Variants in GORAB observed in about 807,000 individuals in gnomAD.
GORAB encodes golgin, RAB6 interacting.
Under a neutral mutation model 29.9 loss-of-function variants are expected in GORAB, and 17 were observed. The ratio of observed to expected loss-of-function variants is 0.57; its 90% CI spans 0.39 to 0.85. GORAB has a LOEUF of 0.85. Ranked by LOEUF, GORAB falls within the 40% of genes least tolerant of loss-of-function variation. The pLI is 0.00. For synonymous variants in GORAB, 183 were observed against 157.2 expected (o/e 1.16, Z -1.23); for missense variants, 442 against 437.8 (o/e 1.01, Z -0.09).
At chr1:170,550,377 G>T (rs970736975) in intron 4 of GORAB, among the ~76,000 whole-genome samples, 5 of 152,220 alleles carry the variant, frequency 3.3e-5, no homozygotes, top group Admixed American at 6.5e-5. Flanking sequence ...GGCCATATTG[G>T]CCTGTGAGTA....
chr1:170,532,401 G>T lies in GORAB; in HGVS notation c.61+117G>T, dbSNP rs778226139. The stretch of plus-strand genomic sequence containing the variant: ...GGCTACGTTTGTGTTAGCGGAAGGC[G>T]CTGTAAGTACGTGGACTGGATTAGG... On this transcript the variant is annotated intron_variant, in intron 1 of 4. Coordinates refer to ENST00000367763, the MANE Select transcript of GORAB (RefSeq NM_152281.3). 28 of 1,134,188 alleles carry T rather than the reference G, an allele frequency of 2.5e-5. No individual in the cohort carries two copies. The Middle Eastern group carries it at 9.5e-4, about 38-fold the overall frequency. The allele number at this position is 1,134,188 out of a possible 1,614,324, so 70.3% of individuals were successfully genotyped here.
At chr1:170,547,902 TACTG>T (rs1446124483) in intron 4 of GORAB, among the ~76,000 whole-genome samples, 2 of 152,246 alleles carry the variant, frequency 1.3e-5, no homozygotes, top group Non-Finnish European at 2.9e-5. Flanking sequence ...ATATATTTTT[TACTG>T]ACTGATTCTT....
intron 2 of GORAB, among the ~76,000 whole-genome samples, chr1:170,541,394 G>A (rs1649417683): frequency 6.6e-6 from 1 of 151,976 alleles, no homozygotes; most frequent in South Asian, 2.1e-4. Flanking sequence ...CAAAATAAAG[G>A]TTAGAGAAAT....
chr1:170,539,322 C>G lies in GORAB; in HGVS notation c.174C>G (p.Thr58=). ...AACTTGGGCTTCAAGATGGATCAAC[C>G]TCATTACTTCCAGAGCAGCTGCTTT... ...SQKLGLQDGS[T]SLLPEQLLSA... Residue 58 remains threonine (T), a synonymous_variant, in exon 2 of 5, where the codon ACC becomes ACG. Coordinates refer to ENST00000367763, the MANE Select transcript of GORAB (RefSeq NM_152281.3). The G allele has an allele frequency of 6.2e-7, 1 of 1,614,162 alleles. No individual in the cohort carries two copies. Among genetic ancestry groups the G allele is most frequent in the Non-Finnish European group, 8.5e-7 (1 of 1,180,020 alleles).
At chr1:170,536,466 A>T (rs546526961) in intron 1 of GORAB, 1 of 152,312 alleles carries the variant, frequency 6.6e-6, no homozygotes, top group Admixed American at 6.5e-5. Flanking sequence ...AAAACATCTG[A>T]CAGTATCGTG....
Position 170,539,405 on chromosome 1 carries a change from C to T in GORAB, c.257C>T (p.Pro86Leu), listed in dbSNP as rs374614330. 2.5e-5 allele frequency: 40 copies of T among 1,613,978 alleles called. No homozygotes were observed. In the African/African-American group the frequency reaches 4.1e-4, roughly 17 times the overall value. ...CCACCTTTTTCTTCCCCTACTCTTC[C>T]GAGTCATTTCACTCTCACCTCCCCC... is the stretch of plus-strand genomic sequence containing the variant. ...QKPPFSSPTL[P>L]SHFTLTSPVG... Residue 86 changes from proline (P) to leucine (L), a missense_variant, in exon 2 of 5, where the codon CCG (proline) becomes CTG (leucine). Physicochemically the swap from Pro to Leu is moderately conservative, Grantham distance 98. Coordinates refer to ENST00000367763, the MANE Select transcript of GORAB (RefSeq NM_152281.3).
chr1:170,534,484 C>T (rs571671783), intron 1 of GORAB, among the ~76,000 whole-genome samples: 3 of 152,268 alleles, frequency 2.0e-5, no homozygotes, highest in Admixed American at 6.5e-5. Flanking sequence ...CAATTATCCT[C>T]ATATACCAAG....
At chr1:170,551,687 G>A (rs1650116376) in intron 4 of GORAB, among the ~76,000 whole-genome samples, 1 of 152,094 alleles carries the variant, frequency 6.6e-6, no homozygotes, top group Admixed American at 6.6e-5. Flanking sequence ...CTACAAATCA[G>A]GGCTCCCCAT....
chr1:170,548,477 T>C (rs1649893841), intron 4 of GORAB, among the ~76,000 whole-genome samples: 1 of 152,256 alleles, frequency 6.6e-6, no homozygotes, highest in Non-Finnish European at 1.5e-5. Flanking sequence ...TTTTTTAGCC[T>C]ACCACACCAT....
intron 4 of GORAB, chr1:170,545,604 GTCT>G: frequency 1.0e-6 from 1 of 985,284 alleles, no homozygotes; most frequent in Non-Finnish European, 1.2e-6. Context: ...ATCCTGGTTT[GTCT>G]TTTTTCACAA....
chr1:170,538,980 G>A, intron 1 of GORAB: 1 of 561,048 alleles, frequency 1.8e-6, no homozygotes, highest in East Asian at 3.0e-5. Context: ...TTTCTCTGAA[G>A]ATAAATTAAG....
intron 3 of GORAB, among the ~76,000 whole-genome samples, chr1:170,543,624 T>A (rs1380069670): frequency 2.1e-5 from 3 of 142,104 alleles, no homozygotes; most frequent in Non-Finnish European, 4.6e-5. Context: ...AAAAGAGTAG[T>A]GCCCTCTTTT....
chr1:170,536,590 A>G (rs1179460217), intron 1 of GORAB, among the ~76,000 whole-genome samples: 1 of 152,182 alleles, frequency 6.6e-6, no homozygotes. Flanking sequence ...TAGTTCTTAG[A>G]TAATATCCAA....
chr1:170,548,778 T>C (rs1384837125), intron 4 of GORAB, among the ~76,000 whole-genome samples: 1 of 152,216 alleles, frequency 6.6e-6, no homozygotes, highest in Admixed American at 6.5e-5. Context: ...CCTAGGATGA[T>C]GAAATGGCAA....
chr1:170,538,023 T>C (rs1466070471), intron 1 of GORAB, among the ~76,000 whole-genome samples: 1 of 152,238 alleles, frequency 6.6e-6, no homozygotes, highest in Non-Finnish European at 1.5e-5. Flanking sequence ...TTTGTGTTTC[T>C]GGCTAAAGTC....
At chr1:170,543,457 A>G (rs1649565294) in intron 3 of GORAB, among the ~76,000 whole-genome samples, 1 of 152,146 alleles carries the variant, frequency 6.6e-6, no homozygotes, top group Non-Finnish European at 1.5e-5. Flanking sequence ...TGATGGGTAT[A>G]AGAGTAGTTC....
At chr1:170,536,343 TATTTCCTAG>T (rs1194657838) in intron 1 of GORAB, 2 of 152,168 alleles carry the variant, frequency 1.3e-5, no homozygotes, top group Non-Finnish European at 1.5e-5. Context: ...CATGAATAGA[TATTTCCTAG>T]AAAAGGAAAT....
chr1:170,532,194 C>G lies in GORAB; in HGVS notation c.-30C>G. ...GGCAGTCGCGGCTGCGAGATTTGGGCACTTTTGGGGGTGCCGGTGGCCCGG... is the reference window on the plus strand; with the variant it reads ...GGCAGTCGCGGCTGCGAGATTTGGGGACTTTTGGGGGTGCCGGTGGCCCGG... On this transcript the variant is annotated 5_prime_UTR_variant, in exon 1 of 5. Coordinates refer to ENST00000367763, the MANE Select transcript of GORAB (RefSeq NM_152281.3). 4 of 1,613,842 alleles carry G rather than the reference C, an allele frequency of 2.5e-6. No homozygotes were observed. The highest frequency in any genetic ancestry group is 3.4e-6 in the Non-Finnish European group (4 of 1,180,038).
Position 170,552,268 on chromosome 1 carries a change from C to T in GORAB, c.916C>T (p.Arg306Cys), listed in dbSNP as rs757240482. ...QEVESRRPVVRLERPFQPAEE... is the reference protein window; with the variant it reads ...QEVESRRPVVCLERPFQPAEE... ...AGTAGAATCAAGGAGACCAGTGGTT[C>T]GTTTAGAGAGGCCATTTCAGCCTGC... Residue 306 changes from arginine to cysteine, a missense_variant, in exon 5 of 5, where the codon CGT (arginine) becomes TGT (cysteine). Transcript: ENST00000367763. 1.3e-4 allele frequency: 216 copies of T among 1,614,062 alleles called. No individual in the cohort carries two copies. The highest frequency in any genetic ancestry group is 3.3e-4 in the Admixed American group (20 of 60,006).
Sources: gnomAD v4.1 joint callset for allele counts (sites outside exome capture counted in the v4.1 genomes callset) on GRCh38, gnomAD v4.1.1 for gene constraint, MANE v1.5 for transcripts, NCBI Gene and HGNC (gene_info 2026-07-23, HGNC 2026-07-21) for gene names.